The following DCTN6 variants were observed in gnomAD, a reference collection of about 807,000 sequenced individuals.
DCTN6 encodes dynactin subunit 6.
Under a neutral mutation model 25.8 loss-of-function variants are expected in DCTN6, and 15 were observed. The ratio of observed to expected loss-of-function variants is 0.58; its 90% CI spans 0.39 to 0.89. The LOEUF (loss-of-function observed/expected upper bound fraction) is 0.89. DCTN6 is among the 40% of genes least tolerant of loss of function. The probability of loss-of-function intolerance (pLI) is 0.00; values close to 1 mark genes in which losing one functional copy is unlikely to be tolerated. For synonymous variants in DCTN6, 64 were observed against 78.3 expected, an observed-to-expected ratio of 0.82 and a Z score of 0.96; for missense variants, 198 against 237.6, an observed-to-expected ratio of 0.83 and a Z score of 1.09.
At chr8:30,173,458 A>G (rs780613528) in intron 2 of DCTN6, among the ~76,000 whole-genome samples, 8 of 152,202 alleles carry the variant, frequency 5.3e-5, no homozygotes, top group Non-Finnish European at 8.8e-5. Context: ...TTATATCATT[A>G]GGTGGGGCAC....
At chr8:30,171,648 G>A (rs567459119) in intron 2 of DCTN6, among the ~76,000 whole-genome samples, 1 of 152,234 alleles carries the variant, frequency 6.6e-6, no homozygotes, top group African/African-American at 2.4e-5. Context: ...TTTCCCCTTG[G>A]CTAACAGGAG....
At chr8:30,179,958 T>C (rs1004049162) in intron 5 of DCTN6, among the ~76,000 whole-genome samples, 13 of 152,352 alleles carry the variant, frequency 8.5e-5, no homozygotes, top group African/African-American at 3.1e-4. Context: ...AGAAAAAACC[T>C]GAATGATGAC....
intron 2 of DCTN6, among the ~76,000 whole-genome samples, chr8:30,166,931 AAGAC>A (rs1195778344): frequency 1.3e-5 from 2 of 151,842 alleles, no homozygotes; most frequent in African/African-American, 2.4e-5. Flanking sequence ...ACCAGAAAGA[AAGAC>A]AAAAAGAGAG....
intron 2 of DCTN6, among the ~76,000 whole-genome samples, chr8:30,173,433 T>C (rs1803789054): frequency 6.6e-6 from 1 of 152,200 alleles, no homozygotes; most frequent in Non-Finnish European, 1.5e-5. Flanking sequence ...CAGATAATAA[T>C]TATGAATTGA....
At chr8:30,181,228 T>G (rs1023237294) in intron 6 of DCTN6, among the ~76,000 whole-genome samples, 1 of 152,136 alleles carries the variant, frequency 6.6e-6, no homozygotes. Context: ...GCATTGTCAC[T>G]GACAATGCAT....
rs5890500 is a variant in DCTN6 at position 30,158,701 on chromosome 8, C to CTTTT, written c.23+2311_23+2314dup. Among the ~76,000 whole-genome samples the CTTTT allele has an allele frequency of 8.1e-3, 804 of 98,986 alleles. 20 individuals are homozygous for CTTTT. Among genetic ancestry groups the CTTTT allele is most frequent in the East Asian group, 0.046 (142 of 3,106 alleles). The allele number at this position is 98,986 out of a possible 152,430, so 64.9% of individuals were successfully genotyped here. A position where few individuals can be genotyped will look rare whatever the true frequency, so the allele number is the denominator to read the frequency against. Reference sequence around the variant, plus strand: ...ATTTTCTGTTATTTCAGTAGATTGACTTTTTTTTTTTTTTTTTTTGTGAGA... The same window carrying CTTTT: ...ATTTTCTGTTATTTCAGTAGATTGACTTTTTTTTTTTTTTTTTTTTTTTGTGAGA... On this transcript the variant is annotated intron_variant, in intron 1 of 6. Coordinates refer to ENST00000221114, the MANE Select transcript of DCTN6 (RefSeq NM_006571.4).
chr8:30,179,489 G>C, intron 5 of DCTN6, 34 bp downstream of exon 5: 1 of 1,583,706 alleles, frequency 6.3e-7, no homozygotes, highest in South Asian at 1.1e-5. Flanking sequence ...TGTCAAAGCA[G>C]TGACCTCTTT....
At chr8:30,179,626 A>G (rs1803887429) in intron 5 of DCTN6, among the ~76,000 whole-genome samples, 171 bp downstream of exon 5, 1 of 152,214 alleles carries the variant, frequency 6.6e-6, no homozygotes, top group South Asian at 2.1e-4. Context: ...TTATGTGGTT[A>G]TCTGGTAATG....
intron 1 of DCTN6, among the ~76,000 whole-genome samples, chr8:30,163,294 T>C (rs1803620672): frequency 6.6e-6 from 1 of 151,530 alleles, no homozygotes; most frequent in Non-Finnish European, 1.5e-5. Flanking sequence ...TGAAACTCTG[T>C]CTCAAAAAAA....
At chr8:30,158,356 C>T (rs1430075490) in intron 1 of DCTN6, among the ~76,000 whole-genome samples, 3 of 151,918 alleles carry the variant, frequency 2.0e-5, no homozygotes, top group Non-Finnish European at 4.4e-5. Context: ...AATAAAATTG[C>T]ATATTTTAAC....
chr8:30,178,348 A>G (rs1367841379), intron 4 of DCTN6, among the ~76,000 whole-genome samples: 1 of 151,972 alleles, frequency 6.6e-6, no homozygotes, highest in South Asian at 2.1e-4. Context: ...CTGTAATCCC[A>G]GCTACTCGGG....
At chr8:30,166,497 G>A (rs1803678008) in intron 2 of DCTN6, among the ~76,000 whole-genome samples, 1 of 151,766 alleles carries the variant, frequency 6.6e-6, no homozygotes, top group African/African-American at 2.4e-5. Context: ...TATAAGATAG[G>A]TATGTAGATA....
chr8:30,168,280 A>G (rs923986645), intron 2 of DCTN6, among the ~76,000 whole-genome samples: 4 of 152,242 alleles, frequency 2.6e-5, no homozygotes, highest in African/African-American at 9.6e-5. Context: ...GGAATTTTTC[A>G]GAATTAGTAA....
At chr8:30,172,697 C>G (rs1044282641) in intron 2 of DCTN6, among the ~76,000 whole-genome samples, 1 of 152,154 alleles carries the variant, frequency 6.6e-6, no homozygotes, top group Non-Finnish European at 1.5e-5. Flanking sequence ...AAGTGATCCA[C>G]CCACCTCGGC....
At chr8:30,182,705 T>C (rs1013775532) in intron 6 of DCTN6, among the ~76,000 whole-genome samples, 2 of 151,630 alleles carry the variant, frequency 1.3e-5, no homozygotes, top group Non-Finnish European at 2.9e-5. Context: ...TTTTTTTTTT[T>C]TCTTTGAGAC....
chr8:30,172,909 T>A (rs975249635), intron 2 of DCTN6, among the ~76,000 whole-genome samples: 2 of 152,192 alleles, frequency 1.3e-5, no homozygotes, highest in East Asian at 1.9e-4. Context: ...GCATATATAT[T>A]TTTTGTTTGT....
chr8:30,161,765 T>G (rs7814128), intron 1 of DCTN6, among the ~76,000 whole-genome samples: 108,343 of 137,436 alleles, frequency 0.79, 43,908 homozygotes, highest in Middle Eastern at 0.92. Context: ...TTTTTTTTTT[T>G]GAGACAGAGT....
chr8:30,172,980 G>C (rs1381619081), intron 2 of DCTN6, among the ~76,000 whole-genome samples: 2 of 152,008 alleles, frequency 1.3e-5, no homozygotes, highest in African/African-American at 4.8e-5. Context: ...AGCTTCCCAG[G>C]GATCTCAGAG....
At chr8:30,182,436 T>G (rs1803921430) in intron 6 of DCTN6, among the ~76,000 whole-genome samples, 1 of 152,136 alleles carries the variant, frequency 6.6e-6, no homozygotes. Flanking sequence ...ATACTCTGGG[T>G]GTTTTACTTA....
Sources: allele counts gnomAD v4.1 joint callset (sites outside exome capture counted in the v4.1 genomes callset), GRCh38; gene constraint gnomAD v4.1.1; transcripts MANE v1.5; gene names NCBI Gene and HGNC (gene_info 2026-07-23, HGNC 2026-07-21).